The following RAD51C variants were observed in gnomAD, a reference collection of about 807,000 sequenced individuals.
RAD51C encodes the protein RAD51 paralog C, also known as DNA repair protein RAD51 homolog 3.
Under a neutral mutation model 45.0 loss-of-function variants are expected in RAD51C, and 42 were observed. The observed-to-expected ratio is 0.93, with a 90% confidence interval of 0.73 to 1.21. RAD51C has a LOEUF of 1.21. Among genes scored for constraint, RAD51C ranks in the 50% most tolerant of loss-of-function variants. The pLI, the probability that RAD51C is intolerant of heterozygous loss-of-function variation, is 0.00. For synonymous variants in RAD51C, 172 were observed against 159.8 expected (o/e 1.08, Z -0.58); for missense variants, 474 against 452.2 (o/e 1.05, Z -0.44).
intron 5 of RAD51C, among the ~76,000 whole-genome samples, chr17:58,720,275 G>A (rs1418310298): frequency 2.0e-5 from 3 of 150,738 alleles, no homozygotes; most frequent in Admixed American, 6.6e-5. Context: ...AATTAGCTGG[G>A]TGTGGTGGTG....
chr17:58,720,757 C>G lies in RAD51C; in HGVS notation c.849C>G (p.Thr283=), dbSNP rs2048889783. The G allele has an allele frequency of 6.2e-7, 1 of 1,611,660 alleles. No individual in the cohort carries two copies. Reference sequence around the variant, plus strand: ...TTTTGTTTTTGTAGGTAATTTTAACCAATCAGATGACAACAAAGATTGATA... The same window carrying G: ...TTTTGTTTTTGTAGGTAATTTTAACGAATCAGATGACAACAAAGATTGATA... ...ANNHRLAVIL[T]NQMTTKIDRN... Residue 283 remains threonine (T), a synonymous_variant, in exon 6 of 9, where the codon ACC becomes ACG. Transcript: ENST00000337432.
chr17:58,694,994 C>T lies in RAD51C; in HGVS notation c.209C>T (p.Thr70Ile), dbSNP rs1060502599. 2 of 1,614,032 alleles carry T rather than the reference C, an allele frequency of 1.2e-6. No homozygotes were observed. The highest frequency in any genetic ancestry group is 1.1e-5 in the South Asian group (1 of 91,084). The change falls in exon 2 of 9, where the codon ACA (threonine) becomes ATA (isoleucine). Residue 70 changes from threonine to isoleucine, a missense_variant. By Grantham distance (89) the Thr-to-Ile change is moderately conservative. Transcript: ENST00000337432. ...TLQIIRRECLTNKPRYAGTSE... is the reference protein window; with the variant it reads ...TLQIIRRECLINKPRYAGTSE... ...CAAATTATCAGAAGAGAATGTCTCA[C>T]AAATAAACCAAGATATGCTGGTACA... is the stretch of plus-strand genomic sequence containing the variant.
chr17:58,700,511 G>C (rs1459220658), intron 3 of RAD51C, among the ~76,000 whole-genome samples: 2 of 151,726 alleles, frequency 1.3e-5, no homozygotes, highest in East Asian at 3.9e-4. Context: ...GGCGCGATCT[G>C]GGCTCACTGC....
intron 7 of RAD51C, among the ~76,000 whole-genome samples, chr17:58,731,549 G>A (rs560430050): frequency 2.6e-4 from 40 of 152,210 alleles, no homozygotes; most frequent in African/African-American, 9.1e-4. Context: ...GTGAGCCACC[G>A]CGCCCAGCCA....
rs1391765939 is a variant in RAD51C, at chr17:58,729,959, TTTTTTGGA to T, written c.966-2524_966-2517del. Among the ~76,000 whole-genome samples, 4 of 152,216 alleles carry T rather than the reference TTTTTTGGA, an allele frequency of 2.6e-5. No individual in the cohort carries two copies. In the South Asian group the frequency reaches 8.3e-4, roughly 32 times the overall value. On this transcript the variant is annotated intron_variant, in intron 7 of 8. Coordinates refer to ENST00000337432, the MANE Select transcript of RAD51C (RefSeq NM_058216.3). ...CCTCAGGATAGATGTACTAGGCACC[TTTTTTGGA>T]CATACTGTTGATATGAGGTGATTTA...
At position 58,732,592 on chromosome 17, in the gene RAD51C, A is replaced by G. The variant is rs752328276; in HGVS notation, c.1026+48A>G. 1.3e-5 allele frequency: 20 copies of G among 1,540,468 alleles called. No individual in the cohort carries two copies. In the South Asian group the frequency reaches 2.2e-4, roughly 17 times the overall value. On this transcript the variant is annotated intron_variant, in intron 8 of 8. Transcript: ENST00000337432. ...GGGATTTTGATATTGATGGGCGGTA[A>G]TTATCTAAAGAGAGAATTTACAACT...
chr17:58,725,083 A>T (rs2049068008), intron 7 of RAD51C, among the ~76,000 whole-genome samples: 1 of 152,170 alleles, frequency 6.6e-6, no homozygotes, highest in East Asian at 1.9e-4. Flanking sequence ...GGTCTTCTTT[A>T]AAAATGGTAT....
At position 58,732,459 on chromosome 17, in the gene RAD51C, GTATT is replaced by G. The variant is rs750713657; in HGVS notation, c.966-20_966-17del. 2 of 1,594,774 alleles carry G rather than the reference GTATT, an allele frequency of 1.3e-6. No individual in the cohort carries two copies. Among genetic ancestry groups the G allele is most frequent in the Non-Finnish European group, 1.7e-6 (2 of 1,162,930 alleles). On this transcript the variant is annotated intron_variant, in intron 7 of 8. Coordinates refer to ENST00000337432, the MANE Select transcript of RAD51C (RefSeq NM_058216.3). ...ATTAATTAAGTTCATGTGTTTGTATGTATTTATTCTTTTTCTTTAAGCAGGTTGG... is the reference window on the plus strand; with the variant it reads ...ATTAATTAAGTTCATGTGTTTGTATGTATTCTTTTTCTTTAAGCAGGTTGG...
rs1324962558 is a variant in RAD51C at position 58,710,454 on chromosome 17, C to T, written c.837+464C>T. ...CGGAGGTTACAGTGGGTGGAGAACG[C>T]GCCATCACACTCCAGCCTGGGCAGC... is the stretch of plus-strand genomic sequence containing the variant. On this transcript the variant is annotated intron_variant, in intron 5 of 8. Coordinates refer to ENST00000337432, the MANE Select transcript of RAD51C (RefSeq NM_058216.3). Among the ~76,000 whole-genome samples, 7 of 149,130 alleles carry T rather than the reference C, an allele frequency of 4.7e-5. No individual in the cohort carries two copies. In the South Asian group the frequency reaches 6.3e-4, roughly 14 times the overall value.
intron 2 of RAD51C, 36 bp from the exon 3 acceptor site, chr17:58,696,657 T>C: frequency 6.2e-7 from 1 of 1,613,790 alleles, no homozygotes; most frequent in Non-Finnish European, 8.5e-7. Context: ...TAGATCATCA[T>C]CATGATTTGG....
At chr17:58,715,468 A>G (rs2048702669) in intron 5 of RAD51C, among the ~76,000 whole-genome samples, 1 of 151,880 alleles carries the variant, frequency 6.6e-6, no homozygotes, top group Non-Finnish European at 1.5e-5. Flanking sequence ...AAAAAAAAAA[A>G]AAAAAAACCC....
chr17:58,724,065 A>C lies in RAD51C; in HGVS notation c.930A>C (p.Thr310=). 1 of 1,613,440 alleles carries C rather than the reference A, an allele frequency of 6.2e-7. No homozygotes were observed. Among genetic ancestry groups the C allele is most frequent in the South Asian group, 1.1e-5 (1 of 91,070 alleles). The change falls in exon 7 of 9, where the codon ACA becomes ACC. Residue 310 remains threonine, a synonymous_variant. Coordinates refer to ENST00000337432, the MANE Select transcript of RAD51C (RefSeq NM_058216.3). ...GGGAAAGTTGGGGACATGCTGCTACAATACGGCTAATCTTTCATTGGGACC... is the reference window on the plus strand; with the variant it reads ...GGGAAAGTTGGGGACATGCTGCTACCATACGGCTAATCTTTCATTGGGACC... ...ALGESWGHAA[T]IRLIFHWDRK...
intron 4 of RAD51C, among the ~76,000 whole-genome samples, chr17:58,704,864 A>G (rs941370251): frequency 6.6e-6 from 1 of 152,102 alleles, no homozygotes; most frequent in Non-Finnish European, 1.5e-5. Flanking sequence ...AAGATTCTGC[A>G]TGGAAAATGC....
At chr17:58,699,386 G>T (rs2048133535) in intron 3 of RAD51C, among the ~76,000 whole-genome samples, 1 of 151,454 alleles carries the variant, frequency 6.6e-6, no homozygotes. Context: ...TAAAAAAAAT[G>T]CTTTTCATAA....
intron 3 of RAD51C, 99 bp downstream of exon 3, chr17:58,696,958 G>T: frequency 7.4e-7 from 1 of 1,351,578 alleles, no homozygotes; most frequent in Non-Finnish European, 1.1e-6. Flanking sequence ...GGAATGTGAA[G>T]CCTAATTACT....
At chr17:58,723,972 A>C in intron 6 of RAD51C, 68 bp from the exon 7 acceptor site, 1 of 1,297,948 alleles carries the variant, frequency 7.7e-7, no homozygotes, top group Non-Finnish European at 1.1e-6. Flanking sequence ...ATTTGATCAG[A>C]GGCGTTCTGA....
chr17:58,697,132 T>C (rs574709400), intron 3 of RAD51C, among the ~76,000 whole-genome samples: 4 of 152,196 alleles, frequency 2.6e-5, no homozygotes, highest in Non-Finnish European at 5.9e-5. Context: ...CTCCATCTTA[T>C]CAGGTGTAAG....
At chr17:58,732,354 G>A (rs951804105) in intron 7 of RAD51C, 130 bp from the exon 8 acceptor site, 2 of 746,362 alleles carry the variant, frequency 2.7e-6, no homozygotes, top group Non-Finnish European at 4.4e-6. Context: ...TCTCCTTTTT[G>A]TGTTCTTAGA....
chr17:58,700,482 A>G (rs1188572249), intron 3 of RAD51C, among the ~76,000 whole-genome samples: 1 of 152,022 alleles, frequency 6.6e-6, no homozygotes, highest in Non-Finnish European at 1.5e-5. Context: ...TCAGTCCATC[A>G]TCCAGGCTGG....
Sources: allele counts gnomAD v4.1 joint callset (sites outside exome capture counted in the v4.1 genomes callset), GRCh38; gene constraint gnomAD v4.1.1; transcripts MANE v1.5; gene names NCBI Gene and HGNC (gene_info 2026-07-23, HGNC 2026-07-21).